The following TMEM52B variants were observed in gnomAD, a reference collection of about 807,000 sequenced individuals.
The protein encoded by TMEM52B is transmembrane protein 52B.
A neutral mutation model predicts 16.1 loss-of-function variants in TMEM52B; 11 were observed. The observed-to-expected ratio is 0.68, with a 90% CI of 0.43 to 1.13. TMEM52B has a LOEUF of 1.13. TMEM52B is among the 50% of genes most tolerant of loss of function. TMEM52B has a pLI of 0.00. For synonymous variants in TMEM52B, 101 were observed against 93.8 expected (o/e 1.08, Z -0.45); for missense variants, 243 against 230.4 (o/e 1.05, Z -0.35).
intron 2 of TMEM52B, 25 bp from the exon 3 acceptor site, chr12:10,185,305 A>G: frequency 6.4e-7 from 1 of 1,556,626 alleles, no homozygotes; most frequent in Non-Finnish European, 8.9e-7. Context: ...TTTTTAATGT[A>G]GAAAACTTTA....
chr12:10,172,106 T>C (rs757079524), intron 1 of TMEM52B: 8 of 1,562,080 alleles, frequency 5.1e-6, no homozygotes, highest in Non-Finnish European at 6.2e-6. Context: ...AATGAGAGAG[T>C]GAAGCAGTCA....
chr12:10,188,973 C>T (rs1287881484), intron 4 of TMEM52B, among the ~76,000 whole-genome samples: 5 of 135,116 alleles, frequency 3.7e-5, no homozygotes, highest in Non-Finnish European at 6.1e-5. Context: ...GCCGAGATCG[C>T]GCCACTGCAC....
chr12:10,186,700 C>T, intron 4 of TMEM52B, 111 bp downstream of exon 4: 1 of 1,158,070 alleles, frequency 8.6e-7, no homozygotes, highest in Non-Finnish European at 1.1e-6. Flanking sequence ...TTCCAGGACT[C>T]ACAATAATTT....
At chr12:10,189,016 CAAAAAAAAAAAAAAAAAA>C (rs869240234) in intron 4 of TMEM52B, among the ~76,000 whole-genome samples, 20 of 56,496 alleles carry the variant, frequency 3.5e-4, no homozygotes, top group South Asian at 7.3e-4. Flanking sequence ...GACTCCGTCT[CAAAAAAAAAAAAAAAAAA>C]AAAAAAAAAA....
upstream of TMEM52B, among the ~76,000 whole-genome samples, chr12:10,176,814 C>G (rs1485921374): frequency 6.6e-6 from 1 of 151,912 alleles, no homozygotes; most frequent in Non-Finnish European, 1.5e-5. Context: ...TGAAAATGAG[C>G]CAATAGAGGT....
At chr12:10,183,196 C>T (rs947206640) in intron 2 of TMEM52B, among the ~76,000 whole-genome samples, 6 of 151,994 alleles carry the variant, frequency 3.9e-5, no homozygotes, top group African/African-American at 1.5e-4. Context: ...TGAATAAAAA[C>T]GTGTTTAGGA....
At chr12:10,188,605 G>A (rs1430164687) in intron 4 of TMEM52B, among the ~76,000 whole-genome samples, 2 of 151,694 alleles carry the variant, frequency 1.3e-5, no homozygotes, top group African/African-American at 4.9e-5. Flanking sequence ...GGTGGCTCAT[G>A]CTTGTAATCC....
chr12:10,182,500 C>T, intron 1 of TMEM52B, 50 bp from the exon 2 acceptor site: 1 of 1,526,008 alleles, frequency 6.6e-7, no homozygotes, highest in Non-Finnish European at 8.8e-7. Context: ...AGCAGCTGAA[C>T]ACAGTGGCCA....
At chr12:10,177,796 ATAATAATAATAATAATAAT>A (rs1222452941), upstream of TMEM52B, among the ~76,000 whole-genome samples, 16 of 92,978 alleles carry the variant, frequency 1.7e-4, 1 homozygote, top group African/African-American at 2.3e-4. Flanking sequence ...AATAATAATA[ATAATAATAATAATAATAAT>A]TTTTTTATTA....
chr12:10,180,831 GT>G (rs1427683417), intron 1 of TMEM52B, among the ~76,000 whole-genome samples: 6 of 152,168 alleles, frequency 3.9e-5, no homozygotes, highest in Admixed American at 2.6e-4. Flanking sequence ...TTTAAACGGA[GT>G]TTTGCCCTTG....
chr12:10,182,027 A>T (rs1386843508), intron 1 of TMEM52B: 2 of 548,314 alleles, frequency 3.6e-6, no homozygotes, highest in African/African-American at 4.8e-5. Context: ...ACTCAAAAAA[A>T]AAAAAAAAAA....
chr12:10,182,041 CAAAAAA>C (rs34826487), intron 1 of TMEM52B: 1 of 360,764 alleles, frequency 2.8e-6, no homozygotes, highest in Non-Finnish European at 3.3e-6. Context: ...AAAAAAAAAA[CAAAAAA>C]AAAAAACTTG....
rs568438268 is a variant in TMEM52B, at chr12:10,191,537, G to C, written c.*1397G>C. The C allele has an allele frequency of 6.6e-6, 1 of 151,998 alleles. No homozygotes were observed. The highest frequency in any genetic ancestry group is 2.1e-4 in the South Asian group (1 of 4,824). 9.4% of individuals were successfully genotyped at this position (151,998 alleles called of 1,614,324 possible). ...CTCCTGGCCTGAAATCTTTAAAGCC[G>C]TTTTTTCCCTAAAAAATGGGAAATA... On this transcript the variant is annotated 3_prime_UTR_variant, in exon 5 of 5. Transcript: ENST00000543484.
In TMEM52B at chr12:10,190,207, AC is replaced by A. The variant is rs11307497; in HGVS notation, c.*68del. On this transcript the variant is annotated 3_prime_UTR_variant, in exon 5 of 5. Transcript: ENST00000543484. Reference sequence around the variant, plus strand: ...GAGTCTGTGGGAAAATGGAACACATACTTTTCTAACCCTCAGAAGTTTTAAG... The same window carrying A: ...GAGTCTGTGGGAAAATGGAACACATATTTTCTAACCCTCAGAAGTTTTAAG... 176,470 of 1,595,592 alleles carry A rather than the reference AC, an allele frequency of 0.11. 17,483 individuals are homozygous for A. The highest frequency in any genetic ancestry group is 0.5 in the East Asian group (22,285 of 44,608).
chr12:10,170,545 G>A (rs1948705415), exon 1 of TMEM52B: 1 of 141,684 alleles, frequency 7.1e-6, no homozygotes, highest in Non-Finnish European at 1.5e-5. Flanking sequence ...AGGCTGGAGT[G>A]CCATGGCGCC....
At chr12:10,180,297 T>C (rs1430866973) in intron 1 of TMEM52B, among the ~76,000 whole-genome samples, 1 of 149,042 alleles carries the variant, frequency 6.7e-6, no homozygotes, top group Non-Finnish European at 1.5e-5. Context: ...TTTTTGCTAA[T>C]AGAACAGTTA....
At position 10,185,328 on chromosome 12, in the gene TMEM52B, A is replaced by C. The variant is rs1437775766; in HGVS notation, c.99-2A>C. 19 of 1,601,780 alleles carry C rather than the reference A, an allele frequency of 1.2e-5. No individual in the cohort carries two copies. Among genetic ancestry groups the C allele is most frequent in the Non-Finnish European group, 1.6e-5 (19 of 1,168,922 alleles). On this transcript the variant is annotated splice_acceptor_variant, in intron 2 of 4. Transcript: ENST00000543484. LOFTEE classifies it high-confidence loss of function. ...GTAGAAAACTTTATTCTTTCTTTAT[A>C]GTTGCCTGACCACAGACTGGGTACA...
chr12:10,181,887 C>T (rs1407446462), intron 1 of TMEM52B, among the ~76,000 whole-genome samples: 2 of 150,850 alleles, frequency 1.3e-5, no homozygotes, highest in Non-Finnish European at 3.0e-5. Flanking sequence ...ATTAACCAGG[C>T]GTGGTGGCAC....
At chr12:10,186,868 C>G (rs1418467101) in intron 4 of TMEM52B, among the ~76,000 whole-genome samples, 1 of 152,134 alleles carries the variant, frequency 6.6e-6, no homozygotes, top group African/African-American at 2.4e-5. Flanking sequence ...AGTTACTTTG[C>G]TAAAAACTAT....
Sources: gnomAD v4.1 joint callset for allele counts (sites outside exome capture counted in the v4.1 genomes callset) on GRCh38, gnomAD v4.1.1 for gene constraint, MANE v1.5 for transcripts, NCBI Gene and HGNC (gene_info 2026-07-23, HGNC 2026-07-21) for gene names.